LARS1: variants seen among roughly 807,000 people sequenced by gnomAD.
LARS1 encodes leucyl-tRNA synthetase 1.
Under a neutral mutation model 162.8 loss-of-function variants are expected in LARS1, and 100 were observed. The ratio of observed to expected loss-of-function variants is 0.61; its 90% CI spans 0.52 to 0.73. The LOEUF is 0.73. Among genes scored for constraint, LARS1 ranks in the 30% least tolerant of loss-of-function variants. LARS1 has a pLI of 0.00. For missense variants in LARS1, 1,258 were observed against 1,408.9 expected (o/e 0.89, Z 1.71); for synonymous variants, 457 against 462.8 (o/e 0.99, Z 0.16).
intron 8 of LARS1, 33 bp from the exon 9 acceptor site, chr5:146,157,828 A>G (rs759652010): frequency 4.3e-5 from 68 of 1,591,766 alleles, no homozygotes; most frequent in Middle Eastern, 1.9e-4. Context: ...AATTTGAAGG[A>G]AAAAAAAGAC....
rs117593237 is a variant in LARS1, at chr5:146,158,662, A to G, written c.771+745T>C. 3.0e-4 allele frequency among the ~76,000 whole-genome samples: 46 copies of G among 152,346 alleles called. No individual in the cohort carries two copies. In the East Asian group the frequency reaches 8.3e-3, roughly 27 times the overall value. On this transcript the variant is annotated intron_variant, in intron 8 of 31. Coordinates refer to ENST00000394434, the MANE Select transcript of LARS1 (RefSeq NM_020117.11). ...AAGAAGGCACATGATCAAAGCAAATATAACTGGAATCTGTGTATATCAAAT... is the reference window on the plus strand; with the variant it reads ...AAGAAGGCACATGATCAAAGCAAATGTAACTGGAATCTGTGTATATCAAAT...
At chr5:146,151,806 G>GA (rs1753301676) in intron 14 of LARS1, 56 bp downstream of exon 14, 2 of 1,474,116 alleles carry the variant, frequency 1.4e-6, no homozygotes, top group South Asian at 2.4e-5. Flanking sequence ...TTCTAATTAA[G>GA]AAAATCACAG....
At chr5:146,135,729 T>A (rs1752474987) in intron 21 of LARS1, 65 bp from the exon 22 acceptor site, 1 of 1,130,224 alleles carries the variant, frequency 8.8e-7, no homozygotes, top group African/African-American at 1.6e-5. Context: ...ATGAGCCAAA[T>A]AAAATTAACT....
At chr5:146,157,369 C>T (rs573625063) in intron 10 of LARS1, 34 bp downstream of exon 10, 72 of 1,549,850 alleles carry the variant, frequency 4.6e-5, no homozygotes, top group South Asian at 9.0e-5. Context: ...TTGAAATTTA[C>T]GCATTAAAAT....
chr5:146,120,040 G>A (rs1751749112), intron 31 of LARS1, among the ~76,000 whole-genome samples: 1 of 152,140 alleles, frequency 6.6e-6, no homozygotes, highest in Non-Finnish European at 1.5e-5. Flanking sequence ...AAGGGTATGT[G>A]TTCCTTGATT....
At chr5:146,142,467 A>G (rs1752827451) in intron 20 of LARS1, among the ~76,000 whole-genome samples, 1 of 152,176 alleles carries the variant, frequency 6.6e-6, no homozygotes, top group African/African-American at 2.4e-5. Flanking sequence ...ATGTCTGGGT[A>G]AAGAGGGAAA....
At position 146,128,753 on chromosome 5, in the gene LARS1, G is replaced by A; in HGVS notation, c.2799C>T (p.Pro933=). The A allele has an allele frequency of 6.2e-7, 1 of 1,603,586 alleles. No individual in the cohort carries two copies. The highest frequency in any genetic ancestry group is 8.5e-7 in the Non-Finnish European group (1 of 1,177,272). The change falls in exon 27 of 32, where the codon CCC becomes CCT. Residue 933 remains proline, a synonymous_variant. Transcript: ENST00000394434. ...TTGCCACATAGATGGTGCAATGTGA[G>A]GGCTTCTGCAGGGGTTGTTTGTCAG... ...KKTDKQPLQK[P]SHCTIYVAKN...
Position 146,181,848 on chromosome 5 carries a change from C to CTTTTTTTTT in LARS1, c.6+631_6+639dup, listed in dbSNP as rs34658033. 3.7e-3 allele frequency among the ~76,000 whole-genome samples: 198 copies of CTTTTTTTTT among 53,038 alleles called. 41 individuals are homozygous for CTTTTTTTTT. Among genetic ancestry groups the CTTTTTTTTT allele is most frequent in the East Asian group, 0.01 (11 of 1,066 alleles). 34.8% of individuals were successfully genotyped at this position (53,038 alleles called of 152,430 possible). A position where few individuals can be genotyped will look rare whatever the true frequency, so the allele number is the denominator to read the frequency against. ...TTTACGGAGAGGCGCTCAATTTTTT[C>CTTTTTTTTT]TTTTTTTTTTTTTTTTTTTTTTTTT... On this transcript the variant is annotated intron_variant, in intron 1 of 31. Transcript: ENST00000394434.
At position 146,153,952 on chromosome 5, in the gene LARS1, G is replaced by C. The variant is rs1440634869; in HGVS notation, c.1094C>G (p.Pro365Arg). 16 of 1,609,386 alleles carry C rather than the reference G, an allele frequency of 9.9e-6. No individual in the cohort carries two copies. The highest frequency in any genetic ancestry group is 1.3e-5 in the Non-Finnish European group (15 of 1,178,704). Residue 365 changes from proline to arginine, a missense_variant, in exon 11 of 32, where the codon CCT becomes CGT. By Grantham distance (103) the Pro-to-Arg change is moderately radical (BLOSUM62 -2). Coordinates refer to ENST00000394434, the MANE Select transcript of LARS1 (RefSeq NM_020117.11). Reference sequence around the variant, plus strand: ...ATAGATCACCTTGTATGATGTTAAAGGTGCAGAAAGTGATGCACCAAGAAT... The same window carrying C: ...ATAGATCACCTTGTATGATGTTAAACGTGCAGAAAGTGATGCACCAAGAAT... Reference protein sequence around the residue: ...EEILGASLSAPLTSYKVIYVL... With the variant: ...EEILGASLSARLTSYKVIYVL...
chr5:146,156,933 T>C (rs1489065332), intron 10 of LARS1, among the ~76,000 whole-genome samples: 1 of 152,138 alleles, frequency 6.6e-6, no homozygotes, highest in African/African-American at 2.4e-5. Flanking sequence ...AGTTGAAACC[T>C]AAAAATAAAA....
At chr5:146,117,022 A>C (rs1751579139) in intron 31 of LARS1, among the ~76,000 whole-genome samples, 1 of 152,202 alleles carries the variant, frequency 6.6e-6, no homozygotes, top group Admixed American at 6.5e-5. Context: ...ACTTATAGGA[A>C]TAGCAATTTC....
chr5:146,120,508 G>C lies in LARS1; in HGVS notation c.3193-5C>G, dbSNP rs1751770668. 1.2e-6 allele frequency: 2 copies of C among 1,607,422 alleles called. No homozygotes were observed. Among genetic ancestry groups the C allele is most frequent in the Non-Finnish European group, 1.7e-6 (2 of 1,177,826 alleles). Reference sequence around the variant, plus strand: ...CAGAGAAACGGACACACCAGGCTAGGAAAACAACAAGAAAATGATTGTTTA... The same window carrying C: ...CAGAGAAACGGACACACCAGGCTAGCAAAACAACAAGAAAATGATTGTTTA... On this transcript the variant is annotated splice_polypyrimidine_tract_variant and splice_region_variant and intron_variant, in intron 30 of 31. Transcript: ENST00000394434.
intron 5 of LARS1, among the ~76,000 whole-genome samples, chr5:146,166,375 A>G (rs941116649): frequency 1.3e-5 from 2 of 152,180 alleles, no homozygotes; most frequent in Non-Finnish European, 2.9e-5. Flanking sequence ...CAATTTGACA[A>G]CAAATTACGG....
chr5:146,148,408 G>A (rs1001749490), intron 15 of LARS1, among the ~76,000 whole-genome samples: 2 of 152,038 alleles, frequency 1.3e-5, no homozygotes, highest in Admixed American at 1.3e-4. Context: ...ATAGACAGTT[G>A]GAAAAGAGTT....
chr5:146,165,476 A>G (rs1345000560), intron 5 of LARS1, among the ~76,000 whole-genome samples: 1 of 152,172 alleles, frequency 6.6e-6, no homozygotes, highest in Non-Finnish European at 1.5e-5. Context: ...GGTTGCAGTG[A>G]GCCAAGACTC....
rs948694064 is a variant in LARS1 at position 146,175,186 on chromosome 5, T to G, written c.125+2361A>C. 7.3e-5 allele frequency among the ~76,000 whole-genome samples: 11 copies of G among 150,140 alleles called. No homozygotes were observed. In the South Asian group the frequency reaches 2.3e-3, roughly 32 times the overall value. On this transcript the variant is annotated intron_variant, in intron 2 of 31. Coordinates refer to ENST00000394434, the MANE Select transcript of LARS1 (RefSeq NM_020117.11). ...GTGAGCTGAGATCACACAACTGCAC[T>G]CCAGCCTGGGTGACAGAGGCTCGCT...
chr5:146,140,258 G>T lies in LARS1; in HGVS notation c.2094C>A (p.Asp698Glu), dbSNP rs17493851. Residue 698 changes from aspartate (D) to glutamate (E), a missense_variant, in exon 21 of 32, where the codon GAC (aspartate) becomes GAA (glutamate). Physicochemically the swap from Asp to Glu is conservative, Grantham distance 45. Coordinates refer to ENST00000394434, the MANE Select transcript of LARS1 (RefSeq NM_020117.11). ...TTGCTCTCACAGCTGTAGGCCATTT[G>T]TCACTTCACAGATAAATGTTTAAAG... Reference protein sequence around the residue: ...NHVAMWPEQSDKWPTAVRANG... With the variant: ...NHVAMWPEQSEKWPTAVRANG... 1.2e-6 allele frequency: 2 copies of T among 1,603,926 alleles called. No individual in the cohort carries two copies. Among genetic ancestry groups the T allele is most frequent in the Non-Finnish European group, 1.7e-6 (2 of 1,170,806 alleles).
chr5:146,179,430 G>GT (rs994332988), intron 1 of LARS1, among the ~76,000 whole-genome samples: 88 of 152,212 alleles, frequency 5.8e-4, no homozygotes, highest in African/African-American at 2.0e-3. Flanking sequence ...CCAAAGTGCT[G>GT]TGATTACAGG....
intron 15 of LARS1, among the ~76,000 whole-genome samples, chr5:146,148,897 G>T (rs911220336): frequency 1.3e-5 from 2 of 152,018 alleles, no homozygotes; most frequent in Non-Finnish European, 2.9e-5. Context: ...CCAACATGGA[G>T]AAACCCCATC....
Sources: gnomAD v4.1 joint callset for allele counts (sites outside exome capture counted in the v4.1 genomes callset) on GRCh38, gnomAD v4.1.1 for gene constraint, MANE v1.5 for transcripts, NCBI Gene and HGNC (gene_info 2026-07-23, HGNC 2026-07-21) for gene names.